Variants in CARF observed in about 807,000 individuals in gnomAD.
CARF encodes calcium responsive transcription factor, also known as calcium-responsive transcription factor.
Under a neutral mutation model 82.0 loss-of-function variants are expected in CARF, and 57 were observed. That is an observed-to-expected ratio of 0.70 (90% confidence interval 0.56 to 0.87). CARF has a LOEUF of 0.87. Ranked by LOEUF, CARF falls within the 40% of genes least tolerant of loss-of-function variation. The probability of loss-of-function intolerance (pLI) is 0.00; values close to 1 mark genes in which losing one functional copy is unlikely to be tolerated. For missense variants in CARF, 771 were observed against 855.8 expected, an observed-to-expected ratio of 0.90 and a Z score of 1.24; for synonymous variants, 268 against 290.1, an observed-to-expected ratio of 0.92 and a Z score of 0.77.
At chr2:202,971,769 T>A in intron 12 of CARF, 31 bp downstream of exon 12, 1 of 1,554,248 alleles carries the variant, frequency 6.4e-7, no homozygotes, top group South Asian at 1.1e-5. Context: ...TCTTTTACAT[T>A]TTTCAGTTTT....
intron 8 of CARF, among the ~76,000 whole-genome samples, chr2:202,956,712 C>T (rs929889367): frequency 3.3e-5 from 5 of 152,126 alleles, no homozygotes; most frequent in South Asian, 2.1e-4. Context: ...TGACAAATAC[C>T]GTTTCCTTAG....
intron 5 of CARF, among the ~76,000 whole-genome samples, chr2:202,944,786 G>T (rs1438660847): frequency 9.9e-6 from 1 of 101,378 alleles, no homozygotes; most frequent in Non-Finnish European, 2.0e-5. Context: ...CATTTAGAAA[G>T]TTTGTGTTTT....
intron 1 of CARF, 90 bp downstream of exon 1, chr2:202,913,192 G>T (rs948414286): frequency 1.3e-5 from 2 of 152,066 alleles, no homozygotes; most frequent in African/African-American, 4.8e-5. Context: ...TTAAATGAAC[G>T]CCTAATATTT....
At chr2:202,939,530 ACTTT>A (rs1344848425) in intron 3 of CARF, among the ~76,000 whole-genome samples, 2 of 151,908 alleles carry the variant, frequency 1.3e-5, no homozygotes, top group African/African-American at 4.8e-5. Flanking sequence ...TGCATACTAT[ACTTT>A]CTATTTTTCT....
intron 3 of CARF, among the ~76,000 whole-genome samples, chr2:202,929,921 A>C (rs1304295726): frequency 1.3e-5 from 2 of 151,980 alleles, no homozygotes; most frequent in African/African-American, 4.8e-5. Context: ...GATTGCAGTG[A>C]ATCTGTTGAT....
chr2:202,977,293 A>C lies in CARF; in HGVS notation c.1519A>C (p.Asn507His). The change falls in exon 14 of 17, where the codon AAT becomes CAT. Residue 507 changes from asparagine (N) to histidine (H), a missense_variant. Transcript: ENST00000438828. ...ATLQWTTDSG[N>H]ILKETMTVTF... is the part of the protein sequence containing the mutation. ...GCTTCAATGGACTACAGACAGTGGG[A>C]ATATTCTCAAAGAGACCATGACAGT... is the stretch of plus-strand genomic sequence containing the variant. The C allele has an allele frequency of 6.2e-7, 1 of 1,612,660 alleles. No individual in the cohort carries two copies. The highest frequency in any genetic ancestry group is 8.5e-7 in the Non-Finnish European group (1 of 1,179,152).
intron 10 of CARF, 126 bp downstream of exon 10, chr2:202,967,224 C>T (rs899375114): frequency 9.5e-7 from 1 of 1,052,810 alleles, no homozygotes; most frequent in African/African-American, 1.6e-5. Flanking sequence ...TTCTCTTACC[C>T]ACATTTGTTC....
At position 202,924,038 on chromosome 2, in the gene CARF, C is replaced by A. The variant is rs542264137; in HGVS notation, c.-162-259C>A. Among the ~76,000 whole-genome samples, 10 of 152,336 alleles carry A rather than the reference C, an allele frequency of 6.6e-5. No individual in the cohort carries two copies. In the South Asian group the frequency reaches 2.1e-3, roughly 32 times the overall value. On this transcript the variant is annotated intron_variant, in intron 2 of 16. Coordinates refer to ENST00000438828, the MANE Select transcript of CARF (RefSeq NM_024744.17). Reference sequence around the variant, plus strand: ...ATTTTTGTTTCCCTAATGACTAATGCTGATCAGCATCTTTTGTGTGCTTAC... The same window carrying A: ...ATTTTTGTTTCCCTAATGACTAATGATGATCAGCATCTTTTGTGTGCTTAC...
intron 2 of CARF, among the ~76,000 whole-genome samples, chr2:202,921,128 G>C (rs1271041361): frequency 6.6e-6 from 1 of 152,040 alleles, no homozygotes; most frequent in African/African-American, 2.4e-5. Context: ...CAGCCTCCCA[G>C]GTAGCTGGGA....
chr2:202,956,857 C>T (rs1254100701), intron 8 of CARF, among the ~76,000 whole-genome samples: 3 of 152,172 alleles, frequency 2.0e-5, no homozygotes, highest in East Asian at 3.9e-4. Flanking sequence ...GGCGCTGTCT[C>T]AGGTCACTGC....
chr2:202,925,427 G>C (rs973544004), intron 3 of CARF: 2 of 302,628 alleles, frequency 6.6e-6, no homozygotes, highest in East Asian at 8.8e-5. Context: ...GCCGAGGTCC[G>C]TGCCCAGTAT....
chr2:202,981,340 C>T (rs2060255740), intron 14 of CARF, among the ~76,000 whole-genome samples: 1 of 152,160 alleles, frequency 6.6e-6, no homozygotes, highest in Non-Finnish European at 1.5e-5. Flanking sequence ...GGCTTGCTTG[C>T]CCCATGCTCA....
At position 202,942,757 on chromosome 2, in the gene CARF, C is replaced by A. The variant is rs765973936; in HGVS notation, c.96C>A (p.Asp32Glu). The change falls in exon 5 of 17, where the codon GAC becomes GAA. Residue 32 changes from aspartate to glutamate, a missense_variant. Transcript: ENST00000438828. ...AQVFEHLICM[D>E]SRDSSFGQND... Reference sequence around the variant, plus strand: ...TACAAAAGCATCTAATCTGTATGGACTCCAGGGATTCTTCCTTTGGACAAA... The same window carrying A: ...TACAAAAGCATCTAATCTGTATGGAATCCAGGGATTCTTCCTTTGGACAAA... 14 of 1,613,134 alleles carry A rather than the reference C, an allele frequency of 8.7e-6. No individual in the cohort carries two copies. In the South Asian group the frequency reaches 1.4e-4, roughly 16 times the overall value.
At chr2:202,959,147 T>C (rs1427685730) in intron 8 of CARF, among the ~76,000 whole-genome samples, 1 of 152,052 alleles carries the variant, frequency 6.6e-6, no homozygotes, top group East Asian at 1.9e-4. Flanking sequence ...ACTGATTTTT[T>C]CTTTATTGAC....
chr2:202,948,514 T>C (rs1001391782), intron 5 of CARF, among the ~76,000 whole-genome samples: 1 of 152,170 alleles, frequency 6.6e-6, no homozygotes, highest in African/African-American at 2.4e-5. Flanking sequence ...TTTGTTCGTA[T>C]CTTCTCTGAT....
At chr2:202,970,499 A>C (rs983732587) in intron 11 of CARF, among the ~76,000 whole-genome samples, 2 of 152,124 alleles carry the variant, frequency 1.3e-5, no homozygotes, top group Non-Finnish European at 2.9e-5. Flanking sequence ...ATAAAATTCC[A>C]TTTCACACCT....
chr2:202,943,992 A>G (rs997113771), intron 5 of CARF, among the ~76,000 whole-genome samples: 38 of 152,156 alleles, frequency 2.5e-4, no homozygotes, highest in Non-Finnish European at 7.4e-5. Context: ...CCTGCAAGCC[A>G]CTTTCTGGTA....
chr2:202,975,191 C>T (rs1297368223), intron 13 of CARF, among the ~76,000 whole-genome samples: 2 of 151,836 alleles, frequency 1.3e-5, no homozygotes, highest in African/African-American at 4.8e-5. Flanking sequence ...CTCAGTGGCT[C>T]ACGCCTGTAA....
At chr2:202,979,423 A>G (rs1353268793) in intron 14 of CARF, among the ~76,000 whole-genome samples, 1 of 152,166 alleles carries the variant, frequency 6.6e-6, no homozygotes, top group Non-Finnish European at 1.5e-5. Flanking sequence ...CAAGAAATGC[A>G]TGATTGCTGT....
Sources: gnomAD v4.1 joint callset for allele counts (sites outside exome capture counted in the v4.1 genomes callset) on GRCh38, gnomAD v4.1.1 for gene constraint, MANE v1.5 for transcripts, NCBI Gene and HGNC (gene_info 2026-07-23, HGNC 2026-07-21) for gene names.